The following LCMT1 variants were observed in gnomAD, a reference collection of about 807,000 sequenced individuals.
The protein encoded by LCMT1 is leucine carboxyl methyltransferase 1.
Under a neutral mutation model 47.7 loss-of-function variants are expected in LCMT1, and 32 were observed. The ratio of observed to expected loss-of-function variants is 0.67; its 90% CI spans 0.51 to 0.90. The LOEUF is 0.90. Ranked by LOEUF, LCMT1 falls within the 40% of genes least tolerant of loss-of-function variation. The pLI is 0.00. For synonymous variants in LCMT1, 152 were observed against 149.7 expected, an observed-to-expected ratio of 1.02 and a Z score of -0.11; for missense variants, 375 against 415.2, an observed-to-expected ratio of 0.90 and a Z score of 0.84.
At chr16:25,156,000 A>G (rs1285139628) in intron 5 of LCMT1, among the ~76,000 whole-genome samples, 1 of 152,202 alleles carries the variant, frequency 6.6e-6, no homozygotes, top group South Asian at 2.1e-4. Context: ...CTTTGACCAC[A>G]GTAACTATGA....
intron 4 of LCMT1, among the ~76,000 whole-genome samples, chr16:25,151,010 G>A (rs560787387): frequency 4.4e-4 from 67 of 152,282 alleles, no homozygotes; most frequent in Non-Finnish European, 7.1e-4. Context: ...GACAGAAAGT[G>A]TGTTGGTGTT....
intron 7 of LCMT1, among the ~76,000 whole-genome samples, chr16:25,166,771 C>T (rs1961603873): frequency 6.6e-6 from 1 of 152,188 alleles, no homozygotes; most frequent in African/African-American, 2.4e-5. Flanking sequence ...GCCCAGGTTC[C>T]TGTGTAGATG....
At chr16:25,112,659 A>G (rs1416431299) in intron 1 of LCMT1, among the ~76,000 whole-genome samples, 1 of 152,184 alleles carries the variant, frequency 6.6e-6, no homozygotes, top group Non-Finnish European at 1.5e-5. Flanking sequence ...GTTAGTAGGA[A>G]TTCGATGGTG....
chr16:25,124,809 G>A (rs1013856250), intron 1 of LCMT1, among the ~76,000 whole-genome samples: 2 of 152,190 alleles, frequency 1.3e-5, no homozygotes, highest in Non-Finnish European at 2.9e-5. Context: ...TCTTTCCCGT[G>A]GGAGGAAAGT....
At chr16:25,117,440 C>G (rs1959829213) in intron 1 of LCMT1, among the ~76,000 whole-genome samples, 1 of 152,244 alleles carries the variant, frequency 6.6e-6, no homozygotes, top group Non-Finnish European at 1.5e-5. Context: ...GACATCTCCA[C>G]TTGGATGTCC....
chr16:25,120,410 G>C (rs115064496), intron 1 of LCMT1, among the ~76,000 whole-genome samples: 168 of 149,128 alleles, frequency 1.1e-3, no homozygotes, highest in African/African-American at 4.0e-3. Flanking sequence ...TATGGTTTTT[G>C]ATTTCTTTTT....
chr16:25,114,413 C>T (rs1203267674), intron 1 of LCMT1, among the ~76,000 whole-genome samples: 1 of 152,140 alleles, frequency 6.6e-6, no homozygotes, highest in African/African-American at 2.4e-5. Flanking sequence ...TGATCCTGGA[C>T]TTGTGGTATC....
chr16:25,169,727 A>G (rs771574520), intron 8 of LCMT1, among the ~76,000 whole-genome samples: 5 of 151,738 alleles, frequency 3.3e-5, no homozygotes, highest in Non-Finnish European at 5.9e-5. Flanking sequence ...TGCCCAGTTC[A>G]TGTTCAGTTT....
intron 3 of LCMT1, among the ~76,000 whole-genome samples, chr16:25,138,521 GTGTGTGTGTGTGGT>G (rs1567315122): frequency 6.6e-6 from 1 of 151,218 alleles, no homozygotes; most frequent in African/African-American, 2.4e-5. Flanking sequence ...GCGCATGTGC[GTGTGTGTGTGTGGT>G]TGTGTGTGTG....
intron 7 of LCMT1, 128 bp from the exon 8 acceptor site, chr16:25,168,984 C>T (rs986155091): frequency 1.2e-5 from 8 of 684,198 alleles, no homozygotes; most frequent in East Asian, 1.1e-4. Context: ...CCCCTCAGTC[C>T]GTTTCCTATG....
At chr16:25,147,877 G>A (rs934740996) in intron 4 of LCMT1, 1 of 152,078 alleles carries the variant, frequency 6.6e-6, no homozygotes, top group African/African-American at 2.4e-5. Flanking sequence ...TTTTTGTAGA[G>A]GTGGAGTCTT....
chr16:25,164,856 C>A, intron 7 of LCMT1, 138 bp downstream of exon 7: 2 of 1,162,704 alleles, frequency 1.7e-6, no homozygotes, highest in Non-Finnish European at 2.5e-6. Context: ...ATTCACCAAC[C>A]AGCAATCTTA....
intron 4 of LCMT1, chr16:25,146,199 T>C (rs963832270): frequency 2.0e-5 from 3 of 152,292 alleles, no homozygotes; most frequent in Non-Finnish European, 2.9e-5. Context: ...ATAGGCTGGG[T>C]CAGGACCGAG....
rs756805370 is a variant in LCMT1 at position 25,161,161 on chromosome 16, T to A, written c.526T>A (p.Ser176Thr). 15 of 1,610,546 alleles carry A rather than the reference T, an allele frequency of 9.3e-6. No individual in the cohort carries two copies. Among genetic ancestry groups the A allele is most frequent in the Non-Finnish European group, 1.3e-5 (15 of 1,178,678 alleles). ...TATTGGAGCAGATCTCCGAGACCTGTCTGAACTGGAAGAGAAGCTAAAGAA... is the reference window on the plus strand; with the variant it reads ...TATTGGAGCAGATCTCCGAGACCTGACTGAACTGGAAGAGAAGCTAAAGAA... ...AVIGADLRDL[S>T]ELEEKLKKCN... The change falls in exon 6 of 11, where the codon TCT (serine) becomes ACT (threonine). Residue 176 changes from serine to threonine, a missense_variant. Transcript: ENST00000399069.
rs1345285126 is a variant in LCMT1 at position 25,177,985 on chromosome 16, G to A, written c.983-16G>A. 6.2e-7 allele frequency: 1 copy of A among 1,613,336 alleles called. No homozygotes were observed. Among genetic ancestry groups the A allele is most frequent in the Non-Finnish European group, 8.5e-7 (1 of 1,179,472 alleles). On this transcript the variant is annotated splice_polypyrimidine_tract_variant and intron_variant, in intron 10 of 10. Coordinates refer to ENST00000399069, the MANE Select transcript of LCMT1 (RefSeq NM_016309.3). Reference sequence around the variant, plus strand: ...ACCAGAGTCTCCTAATGGTGTCTGTGTGTCTCTCCCCTCAGGGCTGAAGGA... The same window carrying A: ...ACCAGAGTCTCCTAATGGTGTCTGTATGTCTCTCCCCTCAGGGCTGAAGGA...
chr16:25,112,815 G>A (rs149808177), intron 1 of LCMT1, among the ~76,000 whole-genome samples: 1 of 152,190 alleles, frequency 6.6e-6, no homozygotes, highest in East Asian at 1.9e-4. Flanking sequence ...ATACGGCAGT[G>A]CCATTAGAGT....
At chr16:25,128,604 G>A in intron 2 of LCMT1, 38 bp downstream of exon 2, 1 of 1,457,502 alleles carries the variant, frequency 6.9e-7, no homozygotes, top group Non-Finnish European at 9.5e-7. Flanking sequence ...CACCTCATCA[G>A]CTACCTGAGG....
At chr16:25,161,236 T>G in intron 6 of LCMT1, 32 bp downstream of exon 6, 1 of 1,235,744 alleles carries the variant, frequency 8.1e-7, no homozygotes, top group South Asian at 1.3e-5. Flanking sequence ...CTCTTCTGCA[T>G]TTGTGATTTT....
At chr16:25,159,704 A>G (rs1961362543) in intron 5 of LCMT1, among the ~76,000 whole-genome samples, 1 of 152,062 alleles carries the variant, frequency 6.6e-6, no homozygotes, top group Admixed American at 6.6e-5. Context: ...GTGTGTAGCC[A>G]TATGTATTTG....
Sources: gnomAD v4.1 joint callset for allele counts (sites outside exome capture counted in the v4.1 genomes callset) on GRCh38, gnomAD v4.1.1 for gene constraint, MANE v1.5 for transcripts, NCBI Gene and HGNC (gene_info 2026-07-23, HGNC 2026-07-21) for gene names.